LINGO1: variants seen among roughly 807,000 people sequenced by gnomAD.
LINGO1 encodes the protein leucine-rich repeat and immunoglobulin-like domain-containing nogo receptor-interacting protein 1.
A neutral mutation model predicts 37.3 loss-of-function variants in LINGO1; 11 were observed. That is an observed-to-expected ratio of 0.29 (90% CI 0.19 to 0.49). The LOEUF (loss-of-function observed/expected upper bound fraction) is 0.49. Among genes scored for constraint, LINGO1 ranks in the 20% least tolerant of loss-of-function variants. The probability of loss-of-function intolerance (pLI) is 0.99; values close to 1 mark genes in which losing one functional copy is unlikely to be tolerated. For missense variants in LINGO1, 585 were observed against 878.2 expected, an observed-to-expected ratio of 0.67 and a Z score of 4.22; for synonymous variants, 387 against 403.0, an observed-to-expected ratio of 0.96 and a Z score of 0.48.
chr15:77,638,950 A>G (rs987607024), upstream of LINGO1, among the ~76,000 whole-genome samples: 1 of 152,144 alleles, frequency 6.6e-6, no homozygotes, highest in African/African-American at 2.4e-5. Context: ...TAGATTACAA[A>G]ACAACTGTGG....
chr15:77,688,646 C>T (rs1286032079), intron 2 of LINGO1, among the ~76,000 whole-genome samples: 1 of 152,210 alleles, frequency 6.6e-6, no homozygotes, highest in Non-Finnish European at 1.5e-5. Flanking sequence ...GCAGTCGGCA[C>T]TGAATGCTTC....
At chr15:77,734,331 T>C (rs2076182195) in intron 2 of LINGO1, among the ~76,000 whole-genome samples, 1 of 152,170 alleles carries the variant, frequency 6.6e-6, no homozygotes, top group Admixed American at 6.5e-5. Context: ...CATGGAATTT[T>C]TTTTTTAATT....
intron 2 of LINGO1, among the ~76,000 whole-genome samples, chr15:77,685,213 C>T (rs980775847): frequency 3.3e-5 from 5 of 152,034 alleles, no homozygotes; most frequent in African/African-American, 1.2e-4. Context: ...AGCTGTGCCT[C>T]CAGCCCAGCA....
At chr15:77,772,695 AT>A (rs1375469724) in intron 1 of LINGO1, among the ~76,000 whole-genome samples, 6 of 151,958 alleles carry the variant, frequency 3.9e-5, no homozygotes, top group African/African-American at 9.7e-5. Flanking sequence ...CCATTAACAC[AT>A]TTTTTTCCTT....
At chr15:77,688,346 C>T (rs2075547020) in intron 2 of LINGO1, among the ~76,000 whole-genome samples, 1 of 152,270 alleles carries the variant, frequency 6.6e-6, no homozygotes. Flanking sequence ...AATCTAATCA[C>T]TGCATTAAAC....
At chr15:77,807,085 TG>T in intron 1 of LINGO1, among the ~76,000 whole-genome samples, 1 of 152,230 alleles carries the variant, frequency 6.6e-6, no homozygotes, top group Admixed American at 6.5e-5. Flanking sequence ...TGCTGTTTCC[TG>T]TCTGGAATTC....
intron 1 of LINGO1, among the ~76,000 whole-genome samples, chr15:77,695,584 C>T (rs910249135): frequency 2.6e-5 from 4 of 152,240 alleles, no homozygotes; most frequent in East Asian, 1.9e-4. Flanking sequence ...ATCCCCCACT[C>T]GTTGAAGGCC....
chr15:77,653,416 C>A (rs2074803151), intron 3 of LINGO1, among the ~76,000 whole-genome samples: 1 of 152,200 alleles, frequency 6.6e-6, no homozygotes. Flanking sequence ...GGGGCCTCCC[C>A]AGCCTGGTGG....
In LINGO1 at chr15:77,812,104, C is replaced by A. The variant is rs1484132958; in HGVS notation, c.-458+8154G>T. ...TTGTTTCCCTAGAAATCGCTTTTCA[C>A]AAATTCCACTGAGCCCTAGCTGCAC... is the stretch of plus-strand genomic sequence containing the variant. On this transcript the variant is annotated intron_variant, in intron 1 of 5. Coordinates refer to the LINGO1 transcript ENST00000562933. Among the ~76,000 whole-genome samples, 3 of 152,306 alleles carry A rather than the reference C, an allele frequency of 2.0e-5. No homozygotes were observed. In the South Asian group the frequency reaches 6.2e-4, roughly 32 times the overall value.
At chr15:77,620,079 ACTG>A (rs151027545) in intron 1 of LINGO1, among the ~76,000 whole-genome samples, 7,194 of 152,280 alleles carry the variant, frequency 0.047, 207 homozygotes, top group Non-Finnish European at 0.059. Flanking sequence ...GGTCACCCAA[ACTG>A]CTGAGTGGGC....
At chr15:77,754,476 G>A (rs1849249856) in intron 1 of LINGO1, among the ~76,000 whole-genome samples, 2 of 152,230 alleles carry the variant, frequency 1.3e-5, no homozygotes, top group Admixed American at 1.3e-4. Flanking sequence ...TGATTTGCAT[G>A]TATTGAGCAC....
chr15:77,672,443 G>C (rs1190130100), intron 3 of LINGO1, among the ~76,000 whole-genome samples: 1 of 152,216 alleles, frequency 6.6e-6, no homozygotes, highest in African/African-American at 2.4e-5. Flanking sequence ...GTCTTAACAG[G>C]TTGCTTTTGG....
chr15:77,732,962 G>A (rs773852337), intron 2 of LINGO1, among the ~76,000 whole-genome samples: 11 of 152,298 alleles, frequency 7.2e-5, no homozygotes, highest in East Asian at 1.9e-4. Context: ...GGCCACGGCC[G>A]GCCTCCTGGA....
chr15:77,729,884 T>A (rs1014652217), intron 2 of LINGO1, among the ~76,000 whole-genome samples: 5 of 152,234 alleles, frequency 3.3e-5, no homozygotes, highest in Non-Finnish European at 7.3e-5. Context: ...GCATCCTATT[T>A]TCCCCTGCCT....
rs1595997807 is a variant in LINGO1, at chr15:77,623,857, G to A, written c.7-7957C>T. Among the ~76,000 whole-genome samples, 3 of 141,906 alleles carry A rather than the reference G, an allele frequency of 2.1e-5. No individual in the cohort carries two copies. The East Asian group carries it at 5.8e-4, about 28-fold the overall frequency. 93.1% of individuals were successfully genotyped at this position (141,906 alleles called of 152,430 possible). A position where few individuals can be genotyped will look rare whatever the true frequency, so the allele number is the denominator to read the frequency against. ...GTGTGTGTGTGTGTGAGTGGCCTGT[G>A]TGTGTGTGTGTGTGTGTGTCTGTGT... On this transcript the variant is annotated intron_variant, in intron 1 of 1. Transcript: ENST00000355300.
At chr15:77,679,218 T>C (rs1279058685) in intron 2 of LINGO1, among the ~76,000 whole-genome samples, 1 of 152,190 alleles carries the variant, frequency 6.6e-6, no homozygotes, top group Non-Finnish European at 1.5e-5. Context: ...TGGTTTTAAT[T>C]TGCATTTCCT....
chr15:77,631,637 C>G (rs1016430472), intron 1 of LINGO1, among the ~76,000 whole-genome samples: 1 of 152,256 alleles, frequency 6.6e-6, no homozygotes, highest in African/African-American at 2.4e-5. Flanking sequence ...CCACCTCCCA[C>G]CCGCTCTGCC....
intron 1 of LINGO1, among the ~76,000 whole-genome samples, chr15:77,744,945 A>G (rs539367559): frequency 2.5e-4 from 37 of 145,106 alleles, no homozygotes; most frequent in Non-Finnish European, 7.4e-5. Flanking sequence ...GTGAAACCCC[A>G]TCTCTACTTT....
At chr15:77,629,802 T>A (rs1340692381) in intron 1 of LINGO1, among the ~76,000 whole-genome samples, 1 of 152,156 alleles carries the variant, frequency 6.6e-6, no homozygotes, top group African/African-American at 2.4e-5. Context: ...TTGGCTAGGA[T>A]GTGCAGAACA....
Sources: allele counts gnomAD v4.1 joint callset (sites outside exome capture counted in the v4.1 genomes callset), GRCh38; gene constraint gnomAD v4.1.1; transcripts MANE v1.5; gene names NCBI Gene and HGNC (gene_info 2026-07-23, HGNC 2026-07-21).